The following KCNK2 variants were observed in gnomAD, a reference collection of about 807,000 sequenced individuals.
The protein encoded by KCNK2 is potassium two pore domain channel subfamily K member 2, also known as potassium channel subfamily K member 2.
KCNK2 carries 21 observed loss-of-function variants against 40.5 expected under a neutral mutation model. That is an observed-to-expected ratio of 0.52 (90% CI 0.37 to 0.75). The LOEUF is 0.75. Among genes scored for constraint, KCNK2 ranks in the 30% least tolerant of loss-of-function variants. The probability of loss-of-function intolerance (pLI) is 0.00; values close to 1 mark genes in which losing one functional copy is unlikely to be tolerated. For missense variants in KCNK2, 399 were observed against 531.6 expected (o/e 0.75, Z 2.45); for synonymous variants, 191 against 202.2 (o/e 0.94, Z 0.47).
chr1:215,118,329 G>A (rs996979403), intron 2 of KCNK2, among the ~76,000 whole-genome samples: 2 of 152,106 alleles, frequency 1.3e-5, no homozygotes, highest in African/African-American at 2.4e-5. Flanking sequence ...TTTTTGTGCT[G>A]CAACCATAAA....
At position 215,209,295 on chromosome 1, in the gene KCNK2, AAT is replaced by A. The variant is rs540677984; in HGVS notation, c.963+14210_963+14211del. Among the ~76,000 whole-genome samples, 5 of 97,940 alleles carry A rather than the reference AAT, an allele frequency of 5.1e-5. No individual in the cohort carries two copies. The East Asian group carries it at 8.1e-4, about 16-fold the overall frequency. The allele number at this position is 97,940 out of a possible 152,430, so 64.3% of individuals were successfully genotyped here. A position where few individuals can be genotyped will look rare whatever the true frequency, so the allele number is the denominator to read the frequency against. On this transcript the variant is annotated intron_variant, in intron 6 of 6. Coordinates refer to ENST00000444842, the MANE Select transcript of KCNK2 (RefSeq NM_001017425.3). Reference sequence around the variant, plus strand: ...ATAAATATACACATATTTTATATATAATATATATTATATATATGAAATATACA... The same window carrying A: ...ATAAATATACACATATTTTATATATAATATATTATATATATGAAATATACA...
chr1:215,029,477 T>C (rs905981587), intron 1 of KCNK2, among the ~76,000 whole-genome samples: 1 of 129,040 alleles, frequency 7.7e-6, no homozygotes, highest in Admixed American at 8.6e-5. Flanking sequence ...TGCTGAATAA[T>C]ATTGTTACTT....
chr1:215,106,638 G>C (rs987486231), intron 2 of KCNK2, among the ~76,000 whole-genome samples: 9 of 152,068 alleles, frequency 5.9e-5, no homozygotes, highest in African/African-American at 2.2e-4. Context: ...TGCCTTTGAG[G>C]ACTTAGCCAC....
intron 4 of KCNK2, 26 bp from the exon 5 acceptor site, chr1:215,171,971 C>T (rs776212352): frequency 1.3e-5 from 20 of 1,492,130 alleles, no homozygotes; most frequent in Non-Finnish European, 1.9e-5. Context: ...TATATATATA[C>T]ACACACCTTT....
chr1:215,155,122 T>A (rs895219621), intron 3 of KCNK2, among the ~76,000 whole-genome samples: 2 of 152,328 alleles, frequency 1.3e-5, no homozygotes, highest in East Asian at 1.9e-4. Flanking sequence ...TAGTGTATAA[T>A]GTGAGATAAA....
At chr1:215,007,318 G>A (rs796552684) in intron 1 of KCNK2, among the ~76,000 whole-genome samples, 2 of 145,616 alleles carry the variant, frequency 1.4e-5, no homozygotes, top group African/African-American at 5.4e-5. Context: ...TTTGCTGAGG[G>A]TTGATGGGTT....
intron 1 of KCNK2, among the ~76,000 whole-genome samples, chr1:215,038,970 G>A (rs1192980348): frequency 6.6e-6 from 1 of 151,670 alleles, no homozygotes; most frequent in Non-Finnish European, 1.5e-5. Context: ...TGCCATGGAA[G>A]CAATTATGCT....
intron 1 of KCNK2, among the ~76,000 whole-genome samples, chr1:215,013,470 G>A (rs973126114): frequency 3.3e-5 from 5 of 151,978 alleles, no homozygotes; most frequent in Admixed American, 6.6e-5. Flanking sequence ...TATTTATGTC[G>A]GGATTTTAAT....
At chr1:215,118,570 T>TA (rs35680595) in intron 2 of KCNK2, among the ~76,000 whole-genome samples, 60,075 of 151,926 alleles carry the variant, frequency 0.4, 15,088 homozygotes, top group East Asian at 0.58. Context: ...TGGTCGCAAA[T>TA]AAAAATCTAT....
intron 1 of KCNK2, among the ~76,000 whole-genome samples, chr1:215,076,841 A>G (rs947820558): frequency 1.3e-5 from 2 of 152,186 alleles, no homozygotes; most frequent in African/African-American, 4.8e-5. Flanking sequence ...CTTGCATTGC[A>G]ATGTTTCAAT....
intron 6 of KCNK2, among the ~76,000 whole-genome samples, chr1:215,202,115 C>A (rs117374935): frequency 6.6e-6 from 1 of 152,058 alleles, no homozygotes. Context: ...TAAAATTTCT[C>A]AGGTTTATGT....
chr1:215,106,599 C>T (rs138367887), intron 2 of KCNK2, among the ~76,000 whole-genome samples: 74 of 152,106 alleles, frequency 4.9e-4, no homozygotes, highest in Middle Eastern at 3.4e-3. Context: ...AATTATGGCA[C>T]GCTTGTCAAT....
intron 1 of KCNK2, among the ~76,000 whole-genome samples, chr1:215,007,031 ATATATATGTGTGTGTGTG>A (rs1656160752): frequency 2.5e-5 from 2 of 79,300 alleles, no homozygotes; most frequent in African/African-American, 5.6e-5. Context: ...ATATATATAT[ATATATATGTGTGTGTGTG>A]TATATATATA....
intron 1 of KCNK2, among the ~76,000 whole-genome samples, chr1:215,048,230 C>A (rs910635434): frequency 2.0e-5 from 3 of 152,026 alleles, no homozygotes; most frequent in African/African-American, 7.2e-5. Flanking sequence ...TACTTTTTTT[C>A]TTTTATCAAT....
At chr1:215,110,938 T>G (rs1254836059) in intron 2 of KCNK2, among the ~76,000 whole-genome samples, 1 of 152,178 alleles carries the variant, frequency 6.6e-6, no homozygotes, top group Non-Finnish European at 1.5e-5. Context: ...CAATGTCATG[T>G]GTCCATTATT....
intron 1 of KCNK2, among the ~76,000 whole-genome samples, chr1:215,064,117 A>G (rs1012894775): frequency 1.3e-5 from 2 of 152,110 alleles, no homozygotes; most frequent in African/African-American, 4.8e-5. Context: ...CATTTTTTTG[A>G]TCGTAATAGA....
At chr1:215,207,225 G>A (rs1030583118) in intron 6 of KCNK2, among the ~76,000 whole-genome samples, 1 of 152,180 alleles carries the variant, frequency 6.6e-6, no homozygotes, top group African/African-American at 2.4e-5. Context: ...TGAACGGTGG[G>A]TGAGTGAGCA....
intron 3 of KCNK2, among the ~76,000 whole-genome samples, chr1:215,156,123 G>A (rs900419213): frequency 1.3e-5 from 2 of 151,600 alleles, no homozygotes; most frequent in South Asian, 2.1e-4. Flanking sequence ...CTACACTCAC[G>A]GAGCTCAAAT....
At chr1:215,037,943 A>G (rs1657442445) in intron 1 of KCNK2, among the ~76,000 whole-genome samples, 1 of 151,818 alleles carries the variant, frequency 6.6e-6, no homozygotes, top group Admixed American at 6.6e-5. Flanking sequence ...GGATATACCT[A>G]AGGTATATCT....
Sources: gnomAD v4.1 joint callset for allele counts (sites outside exome capture counted in the v4.1 genomes callset) on GRCh38, gnomAD v4.1.1 for gene constraint, MANE v1.5 for transcripts, NCBI Gene and HGNC (gene_info 2026-07-23, HGNC 2026-07-21) for gene names.